The following PCDH15 variants were observed in gnomAD, a reference collection of about 807,000 sequenced individuals.
PCDH15 encodes the protein protocadherin-15.
A neutral mutation model predicts 178.5 loss-of-function variants in PCDH15; 129 were observed. That is an observed-to-expected ratio of 0.72 (90% confidence interval 0.63 to 0.84). The LOEUF is 0.84. Among genes scored for constraint, PCDH15 ranks in the 40% least tolerant of loss-of-function variants. The pLI, the probability that PCDH15 is intolerant of heterozygous loss-of-function variation, is 0.00. For synonymous variants in PCDH15, 800 were observed against 732.0 expected (o/e 1.09, Z -1.50); for missense variants, 2,230 against 2,099.9 (o/e 1.06, Z -1.21).
intron 2 of PCDH15, among the ~76,000 whole-genome samples, chr10:54,984,572 C>T (rs149132105): frequency 2.0e-4 from 31 of 152,282 alleles, no homozygotes; most frequent in African/African-American, 6.5e-4. Flanking sequence ...GGCACAGTGG[C>T]GCATGCCTGT....
Position 55,397,730 on chromosome 10 carries a change from C to A in PCDH15, c.-156+229895G>T, listed in dbSNP as rs896822047. Among the ~76,000 whole-genome samples the A allele has an allele frequency of 3.3e-5, 5 of 152,086 alleles. No individual in the cohort carries two copies. The East Asian group carries it at 9.7e-4, about 30-fold the overall frequency. ...CCTCCTGAGTAGCTGGGATAACAGGCGTGTGCCACCACGCCTGGCTAATTT... is the reference window on the plus strand; with the variant it reads ...CCTCCTGAGTAGCTGGGATAACAGGAGTGTGCCACCACGCCTGGCTAATTT... On this transcript the variant is annotated intron_variant, in intron 2 of 5. Transcript: ENST00000613346.
At position 55,317,231 on chromosome 10, in the gene PCDH15, C is replaced by G. The variant is rs756162935; in HGVS notation, c.-156+2368G>C. Among the ~76,000 whole-genome samples the G allele has an allele frequency of 5.4e-4, 82 of 152,020 alleles. 1 individual carries two copies. The highest frequency in any genetic ancestry group is 1.0e-3 in the Non-Finnish European group (68 of 67,994). ...TGTTGTGATTAAATGTTAGTATACA[C>G]AAAGAACTTAACTTTACCAGCCACA... is the stretch of plus-strand genomic sequence containing the variant. On this transcript the variant is annotated intron_variant, in intron 1 of 5. Coordinates refer to the PCDH15 transcript ENST00000458638.
intron 23 of PCDH15, among the ~76,000 whole-genome samples, chr10:53,942,743 C>T (rs2086181195): frequency 6.6e-6 from 1 of 152,078 alleles, no homozygotes; most frequent in Non-Finnish European, 1.5e-5. Flanking sequence ...CAGATGAGAC[C>T]GTAGCCCTGG....
chr10:54,716,875 G>A (rs1303652996), intron 1 of PCDH15, among the ~76,000 whole-genome samples: 2 of 148,120 alleles, frequency 1.4e-5, no homozygotes, highest in Non-Finnish European at 3.0e-5. Context: ...CAAGGCTACA[G>A]TAACCAAAAC....
At chr10:54,910,526 A>G (rs1393983886) in intron 2 of PCDH15, among the ~76,000 whole-genome samples, 3 of 152,206 alleles carry the variant, frequency 2.0e-5, no homozygotes, top group East Asian at 1.9e-4. Flanking sequence ...TTGGAAATCT[A>G]GGCCTAACCC....
intron 1 of PCDH15, among the ~76,000 whole-genome samples, chr10:55,216,341 A>C (rs1455850780): frequency 6.6e-6 from 1 of 151,976 alleles, no homozygotes; most frequent in Non-Finnish European, 1.5e-5. Flanking sequence ...TAAATATGTT[A>C]CAGAATTAAT....
chr10:54,122,512 C>G (rs574429961), intron 15 of PCDH15, among the ~76,000 whole-genome samples: 2 of 151,452 alleles, frequency 1.3e-5, no homozygotes, highest in South Asian at 4.2e-4. Context: ...GAAGTGCTAG[C>G]CAGATGTTAA....
chr10:54,702,611 A>G (rs192586715), intron 1 of PCDH15, among the ~76,000 whole-genome samples: 10 of 152,078 alleles, frequency 6.6e-5, no homozygotes, highest in Admixed American at 6.6e-4. Flanking sequence ...AAAACCTAGA[A>G]AAACTGATAA....
intron 3 of PCDH15, among the ~76,000 whole-genome samples, chr10:54,828,711 G>A (rs986785283): frequency 2.0e-5 from 3 of 151,682 alleles, no homozygotes; most frequent in African/African-American, 7.3e-5. Context: ...CTATGTGCTG[G>A]GATACAACAC....
chr10:54,729,229 T>C (rs1013205658), intron 1 of PCDH15, among the ~76,000 whole-genome samples: 1 of 151,248 alleles, frequency 6.6e-6, no homozygotes, highest in East Asian at 1.9e-4. Flanking sequence ...AACATATAAA[T>C]CAATGGAACA....
chr10:55,449,670 A>C (rs1589038129), intron 2 of PCDH15, among the ~76,000 whole-genome samples: 1 of 152,170 alleles, frequency 6.6e-6, no homozygotes, highest in Admixed American at 6.6e-5. Context: ...TTTTTATATT[A>C]ATCTTAAAGA....
intron 1 of PCDH15, among the ~76,000 whole-genome samples, chr10:54,744,597 C>T (rs1945225836): frequency 6.6e-6 from 1 of 151,956 alleles, no homozygotes; most frequent in Non-Finnish European, 1.5e-5. Flanking sequence ...TAGAGTATCG[C>T]TGAAATCTGT....
chr10:54,073,108 G>C (rs888234941), intron 17 of PCDH15, among the ~76,000 whole-genome samples: 1 of 151,980 alleles, frequency 6.6e-6, no homozygotes, highest in East Asian at 1.9e-4. Flanking sequence ...TCTGAGTGTA[G>C]TGTGTAAAGA....
At chr10:55,399,512 C>T (rs774512602) in intron 2 of PCDH15, among the ~76,000 whole-genome samples, 21 of 152,086 alleles carry the variant, frequency 1.4e-4, no homozygotes, top group Non-Finnish European at 4.4e-5. Context: ...GACGACTAGG[C>T]ACTAAGCACT....
At chr10:55,250,666 A>T (rs1841813106) in intron 1 of PCDH15, among the ~76,000 whole-genome samples, 1 of 149,598 alleles carries the variant, frequency 6.7e-6, no homozygotes, top group Non-Finnish European at 1.5e-5. Flanking sequence ...CCTCCCGAGT[A>T]GCTGGGATTA....
intron 2 of PCDH15, among the ~76,000 whole-genome samples, chr10:55,144,145 G>T (rs1838431230): frequency 6.6e-6 from 1 of 151,926 alleles, no homozygotes; most frequent in Non-Finnish European, 1.5e-5. Context: ...CTGAAAGATT[G>T]TCAAAGCCAA....
At chr10:54,171,789 C>T (rs977311929) in intron 13 of PCDH15, among the ~76,000 whole-genome samples, 3 of 151,966 alleles carry the variant, frequency 2.0e-5, no homozygotes, top group African/African-American at 7.3e-5. Flanking sequence ...TTTCTCAATT[C>T]ATCCAAAACC....
intron 2 of PCDH15, among the ~76,000 whole-genome samples, chr10:54,622,143 G>A (rs1427333781): frequency 2.0e-5 from 3 of 151,840 alleles, no homozygotes; most frequent in African/African-American, 7.3e-5. Flanking sequence ...AAAATGGACT[G>A]TAAAGGAGTA....
chr10:55,477,150 T>C (rs966920954), intron 2 of PCDH15, among the ~76,000 whole-genome samples: 2 of 151,966 alleles, frequency 1.3e-5, no homozygotes, highest in Admixed American at 6.6e-5. Flanking sequence ...CCCCAACAGA[T>C]ACTAAACATA....
Sources: gnomAD v4.1 joint callset for allele counts (sites outside exome capture counted in the v4.1 genomes callset) on GRCh38, gnomAD v4.1.1 for gene constraint, MANE v1.5 for transcripts, NCBI Gene and HGNC (gene_info 2026-07-23, HGNC 2026-07-21) for gene names.